INO80D: variants seen among roughly 807,000 people sequenced by gnomAD.
INO80D encodes INO80 complex subunit D.
Under a neutral mutation model 87.6 loss-of-function variants are expected in INO80D, and 21 were observed. That is an observed-to-expected ratio of 0.24 (90% CI 0.17 to 0.35). The LOEUF (loss-of-function observed/expected upper bound fraction) is 0.35. Ranked by LOEUF, INO80D falls within the 10% of genes least tolerant of loss-of-function variation. The pLI is 1.00. For synonymous variants in INO80D, 440 were observed against 491.0 expected (o/e 0.90, Z 1.37); for missense variants, 982 against 1,280.7 (o/e 0.77, Z 3.56).
chr2:206,069,077 T>A (rs1006580465), intron 1 of INO80D, among the ~76,000 whole-genome samples: 1 of 152,180 alleles, frequency 6.6e-6, no homozygotes, highest in African/African-American at 2.4e-5. Context: ...CTTAATCCTA[T>A]TATATTTTGT....
chr2:206,030,690 A>C (rs1309864124), intron 5 of INO80D, among the ~76,000 whole-genome samples: 1 of 152,222 alleles, frequency 6.6e-6, no homozygotes, highest in African/African-American at 2.4e-5. Flanking sequence ...TTCTAGACTT[A>C]AATGTCAAAT....
In INO80D at chr2:206,085,232, C is replaced by T. The variant is rs912576534; in HGVS notation, c.-124+669G>A. The stretch of plus-strand genomic sequence containing the variant: ...CTCCTCACCGCCCCTCCACCCGACC[C>T]CACGCCCGCCAGGCCGCCCGCCCCG... On this transcript the variant is annotated intron_variant, in intron 1 of 10. Transcript: ENST00000403263. The surrounding 1 kb of genome is among the most constrained non-coding windows in gnomAD (Gnocchi z 4.5). 1.1e-4 allele frequency among the ~76,000 whole-genome samples: 16 copies of T among 152,092 alleles called. No homozygotes were observed. Among genetic ancestry groups the T allele is most frequent in the Non-Finnish European group, 1.5e-5 (1 of 67,964 alleles).
chr2:206,059,588 G>C (rs1486375723), intron 3 of INO80D, among the ~76,000 whole-genome samples: 2 of 152,154 alleles, frequency 1.3e-5, no homozygotes, highest in African/African-American at 2.4e-5. Flanking sequence ...AGCACACACA[G>C]AATATGTGTG....
chr2:206,066,171 T>C (rs896121457), intron 1 of INO80D, among the ~76,000 whole-genome samples: 2 of 152,052 alleles, frequency 1.3e-5, no homozygotes, highest in Admixed American at 6.6e-5. Context: ...GGCAGGAGGA[T>C]CGCCTGAACC....
chr2:206,056,096 C>CA (rs1689509449), intron 4 of INO80D, 102 bp downstream of exon 4: 1 of 1,130,060 alleles, frequency 8.8e-7, no homozygotes, highest in Non-Finnish European at 1.3e-6. Flanking sequence ...ATTGTGATTC[C>CA]ACCCCCATCA....
rs1690158927 is a variant in INO80D at position 206,077,775 on chromosome 2, T to C, written c.-124+8126A>G. 2.0e-5 allele frequency among the ~76,000 whole-genome samples: 3 copies of C among 152,264 alleles called. No homozygotes were observed. The South Asian group carries it at 6.2e-4, about 32-fold the overall frequency. On this transcript the variant is annotated intron_variant, in intron 1 of 10. Coordinates refer to ENST00000403263, the MANE Select transcript of INO80D (RefSeq NM_017759.5). Reference sequence around the variant, plus strand: ...AAATCTGAAACTAATGGCCTCTTTGTTACTGAATTCCACATACACTTTTCC... The same window carrying C: ...AAATCTGAAACTAATGGCCTCTTTGCTACTGAATTCCACATACACTTTTCC...
At chr2:206,030,882 T>TA (rs993924691) in intron 5 of INO80D, among the ~76,000 whole-genome samples, 1 of 152,132 alleles carries the variant, frequency 6.6e-6, no homozygotes, top group Non-Finnish European at 1.5e-5. Context: ...AGAAGGCAGT[T>TA]AAAAAATTAC....
intron 4 of INO80D, among the ~76,000 whole-genome samples, chr2:206,052,856 C>T (rs975221175): frequency 6.6e-6 from 1 of 151,706 alleles, no homozygotes; most frequent in Non-Finnish European, 1.5e-5. Flanking sequence ...TAAATAGATA[C>T]AACCCATACA....
At chr2:206,072,128 G>T (rs1018795181) in intron 1 of INO80D, among the ~76,000 whole-genome samples, 7 of 152,124 alleles carry the variant, frequency 4.6e-5, no homozygotes, top group Non-Finnish European at 1.0e-4. Flanking sequence ...TCCTCGGGGT[G>T]TGTCACTTTC....
Position 206,005,269 on chromosome 2 carries a change from C to G in INO80D, c.2183G>C (p.Ser728Thr). Residue 728 changes from serine to threonine, a missense_variant, in exon 11 of 11, where the codon AGT (serine) becomes ACT (threonine). Physicochemically the swap from Ser to Thr is moderately conservative, Grantham distance 58 (BLOSUM62 1). Coordinates refer to ENST00000403263, the MANE Select transcript of INO80D (RefSeq NM_017759.5). ...GAGCAGGTTCTCATCCAGCTCTAGA[C>G]TAGAAAAATTATCATGTACTATACG... ...NGRIVHDNFS[S>T]LELDENLLRS... 1 of 1,614,008 alleles carries G rather than the reference C, an allele frequency of 6.2e-7. No homozygotes were observed. The highest frequency in any genetic ancestry group is 8.5e-7 in the Non-Finnish European group (1 of 1,179,886).
chr2:206,011,021 T>A (rs1030526460), intron 8 of INO80D, among the ~76,000 whole-genome samples: 1 of 147,820 alleles, frequency 6.8e-6, no homozygotes, highest in Non-Finnish European at 1.5e-5. Context: ...GAGGTTGCAG[T>A]GAGCTGAGAT....
Position 206,002,120 on chromosome 2 carries a change from G to T in INO80D, c.*2248C>A, listed in dbSNP as rs1039449202. The T allele has an allele frequency of 6.6e-6, 1 of 152,110 alleles. No homozygotes were observed. The highest frequency in any genetic ancestry group is 1.9e-4 in the East Asian group (1 of 5,202). 9.4% of individuals were successfully genotyped at this position (152,110 alleles called of 1,614,324 possible). On this transcript the variant is annotated 3_prime_UTR_variant, in exon 11 of 11. Transcript: ENST00000403263. The stretch of plus-strand genomic sequence containing the variant: ...TGAGGAAGTCAATGTGCTGCTCTGC[G>T]ACAACCTTTAAATACACAATGGAGA...
chr2:206,007,795 C>G, intron 9 of INO80D: 1 of 165,512 alleles, frequency 6.0e-6, no homozygotes, highest in Non-Finnish European at 1.3e-5. Flanking sequence ...GCACTCCAGC[C>G]TGGGCAACAG....
rs543913109 is a variant in INO80D at position 206,045,184 on chromosome 2, G to A, written c.1073+1320C>T. ...TAATTCCATGTCCAAATAAGCTTCT[G>A]ATGATAATTTGCTTCCTGTGTAGTT... On this transcript the variant is annotated intron_variant, in intron 5 of 10. Coordinates refer to ENST00000403263, the MANE Select transcript of INO80D (RefSeq NM_017759.5). Among the ~76,000 whole-genome samples, 8 of 152,254 alleles carry A rather than the reference G, an allele frequency of 5.3e-5. No homozygotes were observed. The South Asian group carries it at 1.7e-3, about 32-fold the overall frequency.
At chr2:206,014,087 G>A (rs542426083) in intron 8 of INO80D, among the ~76,000 whole-genome samples, 4 of 151,382 alleles carry the variant, frequency 2.6e-5, no homozygotes, top group South Asian at 2.1e-4. Flanking sequence ...GAACCCAGGA[G>A]GCGGAGGTTG....
At chr2:206,079,688 A>C (rs1229983835) in intron 1 of INO80D, among the ~76,000 whole-genome samples, 2 of 152,116 alleles carry the variant, frequency 1.3e-5, no homozygotes, top group Admixed American at 1.3e-4. Context: ...ACTCTGTATA[A>C]CTCAAATCCT....
chr2:206,021,350 A>C (rs1431873747), intron 6 of INO80D, among the ~76,000 whole-genome samples: 2 of 152,194 alleles, frequency 1.3e-5, no homozygotes, highest in Admixed American at 1.3e-4. Flanking sequence ...TTATATGTCC[A>C]TGGTGTTGCC....
chr2:206,075,728 G>C (rs528517705), intron 1 of INO80D, among the ~76,000 whole-genome samples: 2 of 150,720 alleles, frequency 1.3e-5, no homozygotes, highest in South Asian at 4.3e-4. Flanking sequence ...ATGAGCCACC[G>C]TGCCCAGTTC....
chr2:206,002,973 A>C lies in INO80D; in HGVS notation c.*1395T>G, dbSNP rs1687932117. 6.6e-6 allele frequency: 1 copy of C among 152,162 alleles called. No homozygotes were observed. The allele number at this position is 152,162 out of a possible 1,614,324, so 9.4% of individuals were successfully genotyped here. A position where few individuals can be genotyped will look rare whatever the true frequency, so the allele number is the denominator to read the frequency against. ...TGGGGGGGAAAAAAGGTAGGCAAGA[A>C]ACCTCACAAATTCATCTCATAGTCA... On this transcript the variant is annotated 3_prime_UTR_variant, in exon 11 of 11. Transcript: ENST00000403263.
Sources: gnomAD v4.1 joint callset for allele counts (sites outside exome capture counted in the v4.1 genomes callset) on GRCh38, gnomAD v4.1.1 for gene constraint, Gnocchi (gnomAD v3.1) non-coding constraint, MANE v1.5 for transcripts, NCBI Gene and HGNC (gene_info 2026-07-23, HGNC 2026-07-21) for gene names.